Variants in CDH8 observed in about 807,000 individuals in gnomAD.
CDH8 encodes the protein cadherin 8, also known as cadherin-8.
In CDH8, 17 loss-of-function variants were observed where a neutral mutation model predicts 68.1. That is an observed-to-expected ratio of 0.25 (90% confidence interval 0.17 to 0.37). The LOEUF (loss-of-function observed/expected upper bound fraction) is 0.37, where lower values mean the gene tolerates loss of function less well. CDH8 is among the 10% of genes least tolerant of loss of function. CDH8 has a pLI of 1.00. For synonymous variants in CDH8, 372 were observed against 365.1 expected, an observed-to-expected ratio of 1.02 and a Z score of -0.21; for missense variants, 763 against 999.3, an observed-to-expected ratio of 0.76 and a Z score of 3.19.
chr16:61,900,408 T>C (rs1963947957), intron 3 of CDH8, among the ~76,000 whole-genome samples: 1 of 152,230 alleles, frequency 6.6e-6, no homozygotes, highest in East Asian at 1.9e-4. Context: ...CTTTAGATTC[T>C]GCCTACTACT....
At chr16:61,985,179 T>G (rs1244586507) in intron 2 of CDH8, among the ~76,000 whole-genome samples, 7 of 152,008 alleles carry the variant, frequency 4.6e-5, no homozygotes, top group African/African-American at 7.2e-5. Context: ...ATGGTAAGAC[T>G]AACATCCCTT....
intron 1 of CDH8, among the ~76,000 whole-genome samples, chr16:62,031,787 A>G (rs999017648): frequency 1.3e-5 from 2 of 152,124 alleles, no homozygotes; most frequent in African/African-American, 4.8e-5. Flanking sequence ...AAAACTTGAT[A>G]AGAAAAAGAA....
intron 4 of CDH8, 25 bp from the exon 5 acceptor site, chr16:61,825,204 CTT>C: frequency 6.3e-7 from 1 of 1,587,028 alleles, no homozygotes; most frequent in Non-Finnish European, 8.6e-7. Flanking sequence ...GGAAGAATGA[CTT>C]TCAGTCACAG....
intron 8 of CDH8, among the ~76,000 whole-genome samples, chr16:61,747,231 T>A (rs1960046244): frequency 1.3e-5 from 2 of 152,092 alleles, no homozygotes; most frequent in African/African-American, 4.8e-5. Context: ...AAAGATATAT[T>A]GAGTAAAATA....
chr16:61,762,324 C>T (rs913147131), intron 8 of CDH8, among the ~76,000 whole-genome samples: 2 of 151,956 alleles, frequency 1.3e-5, no homozygotes, highest in African/African-American at 4.8e-5. Flanking sequence ...AAGATTGTCA[C>T]CATTGGAAAA....
intron 2 of CDH8, among the ~76,000 whole-genome samples, chr16:61,902,036 C>T (rs1963983429): frequency 6.6e-6 from 1 of 150,678 alleles, no homozygotes; most frequent in African/African-American, 2.5e-5. Flanking sequence ...TTTATACAAA[C>T]AAAAGTAATT....
At chr16:61,670,739 G>A (rs1202530072) in intron 10 of CDH8, among the ~76,000 whole-genome samples, 1 of 151,826 alleles carries the variant, frequency 6.6e-6, no homozygotes, top group African/African-American at 2.4e-5. Context: ...TGAAACCATG[G>A]ATAGCATTGA....
At chr16:61,879,775 G>A (rs547375224) in intron 3 of CDH8, among the ~76,000 whole-genome samples, 3 of 152,164 alleles carry the variant, frequency 2.0e-5, no homozygotes, top group African/African-American at 4.8e-5. Context: ...GATAGGCCCC[G>A]AAAAACAACA....
chr16:61,899,836 AC>A (rs1963936497), intron 3 of CDH8, among the ~76,000 whole-genome samples: 1 of 88,990 alleles, frequency 1.1e-5, no homozygotes, highest in Non-Finnish European at 2.1e-5. Flanking sequence ...ATAAAGACAC[AC>A]ACACACACAC....
At chr16:61,692,554 AAG>A in intron 10 of CDH8, 2 of 146,316 alleles carry the variant, frequency 1.4e-5, no homozygotes, top group African/African-American at 5.0e-5. Context: ...CACCAGCTAA[AAG>A]AGAGTTGTGG....
chr16:61,836,423 T>C (rs1399017121), intron 4 of CDH8, among the ~76,000 whole-genome samples: 4 of 152,002 alleles, frequency 2.6e-5, no homozygotes, highest in Non-Finnish European at 4.4e-5. Context: ...GATAAACGCA[T>C]GATAAAATAT....
intron 2 of CDH8, among the ~76,000 whole-genome samples, chr16:61,925,527 A>G (rs1234472521): frequency 6.6e-6 from 1 of 152,214 alleles, no homozygotes; most frequent in Non-Finnish European, 1.5e-5. Context: ...TGATGACTTT[A>G]GAGAAGCTAA....
chr16:61,919,918 A>C (rs1048616025), intron 2 of CDH8, among the ~76,000 whole-genome samples: 9 of 152,204 alleles, frequency 5.9e-5, no homozygotes, highest in South Asian at 2.1e-4. Flanking sequence ...TAGATCAATG[A>C]AACAGAACAG....
At chr16:61,813,394 A>C (rs1002143103) in intron 7 of CDH8, among the ~76,000 whole-genome samples, 4 of 152,172 alleles carry the variant, frequency 2.6e-5, no homozygotes, top group African/African-American at 7.2e-5. Flanking sequence ...CTCAGGTTTC[A>C]CATCTCTTAA....
At chr16:61,904,693 G>A (rs1266553572) in intron 2 of CDH8, among the ~76,000 whole-genome samples, 1 of 152,196 alleles carries the variant, frequency 6.6e-6, no homozygotes, top group Non-Finnish European at 1.5e-5. Flanking sequence ...CACTATCTGT[G>A]TGATAAGGGC....
At chr16:61,968,315 T>C (rs1382642789) in intron 2 of CDH8, among the ~76,000 whole-genome samples, 2 of 152,336 alleles carry the variant, frequency 1.3e-5, no homozygotes, top group African/African-American at 4.8e-5. Flanking sequence ...CCCTCGTCTA[T>C]TGAGTGATGT....
intron 8 of CDH8, among the ~76,000 whole-genome samples, chr16:61,745,815 A>C (rs889443723): frequency 1.3e-5 from 2 of 151,936 alleles, no homozygotes; most frequent in South Asian, 2.1e-4. Context: ...TATATGCATC[A>C]TTTGGATGTT....
chr16:61,799,166 A>G (rs1012493867), intron 7 of CDH8, among the ~76,000 whole-genome samples: 1 of 152,164 alleles, frequency 6.6e-6, no homozygotes, highest in African/African-American at 2.4e-5. Context: ...GGGGCAATCT[A>G]CAAGTGAAGA....
At chr16:61,831,131 T>C (rs1406388117) in intron 4 of CDH8, among the ~76,000 whole-genome samples, 1 of 151,738 alleles carries the variant, frequency 6.6e-6, no homozygotes, top group African/African-American at 2.4e-5. Flanking sequence ...TGCATAGTAG[T>C]TCCAGATGAG....
Sources: gnomAD v4.1 joint callset for allele counts (sites outside exome capture counted in the v4.1 genomes callset) on GRCh38, gnomAD v4.1.1 for gene constraint, MANE v1.5 for transcripts, NCBI Gene and HGNC (gene_info 2026-07-23, HGNC 2026-07-21) for gene names.